NHS: variants seen among roughly 807,000 people sequenced by gnomAD.
NHS encodes the protein actin remodeling regulator NHS.
In NHS, 5 loss-of-function variants were observed where a neutral mutation model predicts 72.5. That is an observed-to-expected ratio of 0.07 (90% CI 0.04 to 0.14). NHS has a LOEUF of 0.14. NHS is among the 10% of genes least tolerant of loss of function. NHS has a pLI of 1.00. For synonymous variants in NHS, 464 were observed against 547.7 expected, an observed-to-expected ratio of 0.85 and a Z score of 2.13; for missense variants, 1,072 against 1,355.7, an observed-to-expected ratio of 0.79 and a Z score of 3.29.
intron 1 of NHS, among the ~76,000 whole-genome samples, chrX:17,445,902 T>G (rs1328738580): frequency 9.1e-6 from 1 of 109,604 alleles, no homozygotes. Flanking sequence ...AGCAAGTAAT[T>G]ACGCTGAACC....
intron 1 of NHS, among the ~76,000 whole-genome samples, chrX:17,482,999 G>A (rs1450269971): frequency 9.4e-6 from 1 of 106,057 alleles, no homozygotes; most frequent in African/African-American, 3.4e-5. Context: ...CTTTTCCAGG[G>A]GGCATCTGCT....
At chrX:17,468,702 G>A (rs1373630675) in intron 1 of NHS, among the ~76,000 whole-genome samples, 1 of 109,451 alleles carries the variant, frequency 9.1e-6, no homozygotes, top group Non-Finnish European at 1.9e-5. Flanking sequence ...ACAGGCACAT[G>A]TCACCATGCC....
intron 1 of NHS, among the ~76,000 whole-genome samples, chrX:17,680,593 C>T (rs1242621102): frequency 8.9e-6 from 1 of 112,765 alleles, no homozygotes; most frequent in Non-Finnish European, 1.9e-5. Flanking sequence ...TTCCAGTCTG[C>T]TCTATTTTAT....
intron 1 of NHS, among the ~76,000 whole-genome samples, chrX:17,488,691 T>G (rs952033047): frequency 7.1e-5 from 8 of 112,267 alleles, no homozygotes; most frequent in Non-Finnish European, 1.1e-4. Context: ...AACCCACGAA[T>G]TATCAAGATC....
chrX:17,657,118 G>A (rs897659783), intron 1 of NHS, among the ~76,000 whole-genome samples: 15 of 112,638 alleles, frequency 1.3e-4, no homozygotes, highest in South Asian at 3.6e-4. Flanking sequence ...CCATCTGTGC[G>A]CATGAGTGGG....
Position 17,677,779 on chromosome X carries a change from T to C in NHS, c.566-9963T>C, listed in dbSNP as rs1054877680. On this transcript the variant is annotated intron_variant, in intron 1 of 8. Coordinates refer to ENST00000676302, the MANE Select transcript of NHS (RefSeq NM_001291867.2). Reference sequence around the variant, plus strand: ...AACATTATACAGCTGTTAATAAGTATTGAGGTTGATTCACAAAGGAAAATT... The same window carrying C: ...AACATTATACAGCTGTTAATAAGTACTGAGGTTGATTCACAAAGGAAAATT... Among the ~76,000 whole-genome samples the C allele has an allele frequency of 2.7e-5, 3 of 111,561 alleles. No individual in the cohort carries two copies. In the Admixed American group the frequency reaches 2.9e-4, roughly 11 times the overall value.
intron 3 of NHS, among the ~76,000 whole-genome samples, chrX:17,709,881 A>G (rs2066319548): frequency 9.0e-6 from 1 of 111,415 alleles, no homozygotes; most frequent in Non-Finnish European, 1.9e-5. Context: ...GCTGGAATCT[A>G]GAAAGGGGTA....
chrX:17,634,073 ACT>A (rs906110731), intron 1 of NHS, among the ~76,000 whole-genome samples: 4 of 110,827 alleles, frequency 3.6e-5, no homozygotes, highest in African/African-American at 9.9e-5. Flanking sequence ...CAGGAGCCTG[ACT>A]CTCTGCTAAA....
At chrX:17,678,487 C>T (rs1176644851) in intron 1 of NHS, among the ~76,000 whole-genome samples, 2 of 111,805 alleles carry the variant, frequency 1.8e-5, no homozygotes, top group South Asian at 3.7e-4. Context: ...GAAAGCAAAG[C>T]GGAAGCAGGC....
At chrX:17,410,693 A>G (rs2064553763) in intron 1 of NHS, among the ~76,000 whole-genome samples, 1 of 109,690 alleles carries the variant, frequency 9.1e-6, no homozygotes. Flanking sequence ...GTTCCTGGAA[A>G]ACTCTCACAT....
Position 17,725,563 on chromosome X carries a change from T to C in NHS, c.1457T>C (p.Leu486Pro), listed in dbSNP as rs140019518. The change falls in exon 7 of 9, where the codon CTA becomes CCA. Residue 486 changes from leucine to proline, a missense_variant. By Grantham distance (98) the Leu-to-Pro change is moderately conservative. Transcript: ENST00000676302. Reference protein sequence around the residue: ...LSHSAGNISALADKGDTMFTP... With the variant: ...LSHSAGNISAPADKGDTMFTP... ...CATTCTGCTGGCAACATTTCTGCCCTAGCAGACAAAGGTGACACCATGTTT... is the reference window on the plus strand; with the variant it reads ...CATTCTGCTGGCAACATTTCTGCCCCAGCAGACAAAGGTGACACCATGTTT... 1 of 1,211,639 alleles carries C rather than the reference T, an allele frequency of 8.3e-7. No homozygotes were observed. Among genetic ancestry groups the C allele is most frequent in the Non-Finnish European group, 1.1e-6 (1 of 895,469 alleles).
chrX:17,464,276 G>T (rs1483193726), intron 1 of NHS, among the ~76,000 whole-genome samples: 3 of 111,189 alleles, frequency 2.7e-5, no homozygotes, highest in Non-Finnish European at 5.7e-5. Flanking sequence ...TTTCCTGTAG[G>T]GTTGATGTAA....
chrX:17,694,969 G>T (rs904125410), intron 3 of NHS, among the ~76,000 whole-genome samples: 12 of 111,982 alleles, frequency 1.1e-4, no homozygotes, highest in South Asian at 3.7e-4. Context: ...GGTTGTTAAG[G>T]AGGCTAAATA....
intron 3 of NHS, among the ~76,000 whole-genome samples, chrX:17,705,909 T>C (rs758304305): frequency 3.6e-5 from 4 of 111,942 alleles, no homozygotes; most frequent in Non-Finnish European, 7.5e-5. Context: ...GTTAAGGTCA[T>C]GAAAAACAAA....
chrX:17,387,457 A>G (rs764878304), intron 1 of NHS, among the ~76,000 whole-genome samples: 117 of 111,790 alleles, frequency 1.0e-3, no homozygotes, highest in African/African-American at 3.3e-3. Flanking sequence ...TTGGACTACA[A>G]GGGGACTCTA....
chrX:17,711,502 TTAAAA>T (rs2066329068), intron 3 of NHS, among the ~76,000 whole-genome samples: 1 of 112,608 alleles, frequency 8.9e-6, no homozygotes, highest in South Asian at 3.7e-4. Flanking sequence ...TTCTTGAACT[TTAAAA>T]TATATAAAAT....
intron 1 of NHS, among the ~76,000 whole-genome samples, chrX:17,538,389 C>T (rs868275033): frequency 2.7e-5 from 3 of 111,261 alleles, no homozygotes; most frequent in Non-Finnish European, 5.7e-5. Flanking sequence ...AACACAGGGA[C>T]GAGAAGGAAG....
chrX:17,523,331 C>A (rs145538436), intron 1 of NHS, among the ~76,000 whole-genome samples: 107 of 112,035 alleles, frequency 9.6e-4, no homozygotes, highest in Admixed American at 3.6e-3. Flanking sequence ...TGGGTGGACA[C>A]AGCAGCAATT....
At chrX:17,483,777 T>C (rs901190855) in intron 1 of NHS, among the ~76,000 whole-genome samples, 3 of 110,434 alleles carry the variant, frequency 2.7e-5, no homozygotes, top group Non-Finnish European at 5.7e-5. Flanking sequence ...TGCCTTGAAC[T>C]CCTGAGCCAC....
Sources: allele counts gnomAD v4.1 joint callset (sites outside exome capture counted in the v4.1 genomes callset), GRCh38; gene constraint gnomAD v4.1.1; transcripts MANE v1.5; gene names NCBI Gene and HGNC (gene_info 2026-07-23, HGNC 2026-07-21).